NTRK2: variants seen among roughly 807,000 people sequenced by gnomAD.
NTRK2 encodes BDNF/NT-3 growth factors receptor.
Under a neutral mutation model 94.5 loss-of-function variants are expected in NTRK2, and 13 were observed. That is an observed-to-expected ratio of 0.14 (90% confidence interval 0.09 to 0.22). The LOEUF (loss-of-function observed/expected upper bound fraction) is 0.22, where lower values mean the gene tolerates loss of function less well. Ranked by LOEUF, NTRK2 falls within the 10% of genes least tolerant of loss-of-function variation. The pLI, the probability that NTRK2 is intolerant of heterozygous loss-of-function variation, is 1.00. For missense variants in NTRK2, 639 were observed against 1,071.2 expected (o/e 0.60, Z 5.63); for synonymous variants, 372 against 407.4 (o/e 0.91, Z 1.05).
chr9:84,910,265 T>A (rs983004039), intron 14 of NTRK2, among the ~76,000 whole-genome samples: 2 of 152,144 alleles, frequency 1.3e-5, no homozygotes, highest in African/African-American at 4.8e-5. Context: ...ACGTATTCTC[T>A]CATAGCTCTG....
At chr9:84,858,697 A>T (rs2075185797) in intron 12 of NTRK2, among the ~76,000 whole-genome samples, 1 of 152,042 alleles carries the variant, frequency 6.6e-6, no homozygotes, top group Non-Finnish European at 1.5e-5. Flanking sequence ...GAGCTTCTCA[A>T]GTGCCGCTTT....
intron 14 of NTRK2, among the ~76,000 whole-genome samples, chr9:84,903,382 T>C (rs1477475160): frequency 6.6e-6 from 1 of 152,044 alleles, no homozygotes; most frequent in Non-Finnish European, 1.5e-5. Context: ...AGGAAAGGAG[T>C]AGAGAATTAG....
intron 14 of NTRK2, among the ~76,000 whole-genome samples, chr9:84,924,172 A>G (rs528050988): frequency 6.7e-6 from 1 of 150,048 alleles, no homozygotes; most frequent in South Asian, 2.1e-4. Context: ...TGATCATGCC[A>G]CTGCACTGCA....
At chr9:84,699,421 G>T (rs2060584047) in intron 2 of NTRK2, among the ~76,000 whole-genome samples, 1 of 152,072 alleles carries the variant, frequency 6.6e-6, no homozygotes, top group Admixed American at 6.5e-5. Context: ...GGGCATTCTT[G>T]CCCCCACAGT....
rs1832927300 is a variant in NTRK2, at chr9:85,024,341, A to C, written c.*2904A>C. On this transcript the variant is annotated 3_prime_UTR_variant, in exon 19 of 19. Transcript: ENST00000277120. ...TGATCACCAAATACGGCCTTCCATC[A>C]AATTTGTGAAAACTACAACAGTATA... The C allele has an allele frequency of 4.3e-6, 1 of 233,004 alleles. No individual in the cohort carries two copies. 14.4% of individuals were successfully genotyped at this position (233,004 alleles called of 1,614,324 possible).
At chr9:84,941,750 G>C in intron 15 of NTRK2, among the ~76,000 whole-genome samples, 1 of 152,150 alleles carries the variant, frequency 6.6e-6, no homozygotes, top group East Asian at 1.9e-4. Flanking sequence ...ACTCTCTTTT[G>C]ATTCAATATT....
rs79653984 is a variant in NTRK2, at chr9:84,744,305, C to T, written c.1196-668C>T. Among the ~76,000 whole-genome samples the T allele has an allele frequency of 1.2e-4, 18 of 152,248 alleles. No homozygotes were observed. The East Asian group carries it at 3.3e-3, about 28-fold the overall frequency. Reference sequence around the variant, plus strand: ...AAATGAGAACAGAGCGTTAACAATTCTAAGTATTGTGTGGATCTACCTTTT... The same window carrying T: ...AAATGAGAACAGAGCGTTAACAATTTTAAGTATTGTGTGGATCTACCTTTT... On this transcript the variant is annotated intron_variant, in intron 10 of 18. Transcript: ENST00000277120.
At chr9:85,019,722 T>C (rs1212358898) in intron 17 of NTRK2, among the ~76,000 whole-genome samples, 1 of 152,136 alleles carries the variant, frequency 6.6e-6, no homozygotes, top group Non-Finnish European at 1.5e-5. Context: ...CATCGCTGAG[T>C]GATGGTGGAG....
intron 14 of NTRK2, among the ~76,000 whole-genome samples, chr9:84,920,503 T>C (rs545458765): frequency 2.6e-5 from 4 of 152,262 alleles, no homozygotes; most frequent in Admixed American, 2.6e-4. Flanking sequence ...TCTTTCCCAC[T>C]CCTTCCGTCT....
intron 9 of NTRK2, among the ~76,000 whole-genome samples, chr9:84,731,047 G>A (rs776491370): frequency 2.0e-5 from 3 of 152,134 alleles, no homozygotes; most frequent in Admixed American, 6.5e-5. Context: ...AGGCAGCCTG[G>A]GCTCACTGTG....
chr9:84,672,950 C>T (rs568697028), intron 2 of NTRK2, among the ~76,000 whole-genome samples: 4 of 152,274 alleles, frequency 2.6e-5, no homozygotes, highest in East Asian at 1.9e-4. Flanking sequence ...TTCATTCAAT[C>T]GTGGCACTTC....
chr9:85,007,342 G>A (rs1831081700), intron 17 of NTRK2, among the ~76,000 whole-genome samples: 1 of 152,186 alleles, frequency 6.6e-6, no homozygotes, highest in African/African-American at 2.4e-5. Context: ...TCAAAATGTA[G>A]GGGACCCTGC....
intron 14 of NTRK2, chr9:84,875,896 G>A: frequency 9.6e-7 from 1 of 1,038,752 alleles, no homozygotes; most frequent in Non-Finnish European, 1.2e-6. Context: ...TTAAGTTTAA[G>A]AGATTATAAA....
At chr9:84,700,555 T>G (rs1368775448) in intron 2 of NTRK2, among the ~76,000 whole-genome samples, 1 of 152,156 alleles carries the variant, frequency 6.6e-6, no homozygotes, top group Non-Finnish European at 1.5e-5. Context: ...TGTGGATGCT[T>G]TTAAAAGTAT....
chr9:84,984,616 G>T (rs1305500652), intron 17 of NTRK2, among the ~76,000 whole-genome samples: 1 of 152,206 alleles, frequency 6.6e-6, no homozygotes, highest in Non-Finnish European at 1.5e-5. Flanking sequence ...AATATGGCTG[G>T]CCTGGGGACC....
intron 2 of NTRK2, among the ~76,000 whole-genome samples, chr9:84,681,730 T>C (rs1477299324): frequency 1.3e-5 from 2 of 152,218 alleles, no homozygotes; most frequent in African/African-American, 4.8e-5. Context: ...TGGAGCGGTC[T>C]ATCTGAAATG....
intron 4 of NTRK2, among the ~76,000 whole-genome samples, chr9:84,705,021 G>T (rs1659407): frequency 0.53 from 80,766 of 151,676 alleles, 21,627 homozygotes; most frequent in East Asian, 0.64. Context: ...AACGCAGTGG[G>T]GTGCAAGGGA....
chr9:84,846,675 G>A (rs887390331), intron 12 of NTRK2, among the ~76,000 whole-genome samples: 10 of 152,200 alleles, frequency 6.6e-5, no homozygotes, highest in Non-Finnish European at 1.0e-4. Context: ...ATGAATGCCC[G>A]TCTCTCCAGT....
chr9:84,688,111 G>T (rs1271613706), intron 2 of NTRK2, among the ~76,000 whole-genome samples: 2 of 152,188 alleles, frequency 1.3e-5, no homozygotes, highest in Admixed American at 1.3e-4. Flanking sequence ...AGTGGACTCA[G>T]GGTCTTTGAG....
Sources: gnomAD v4.1 joint callset for allele counts (sites outside exome capture counted in the v4.1 genomes callset) on GRCh38, gnomAD v4.1.1 for gene constraint, MANE v1.5 for transcripts, NCBI Gene and HGNC (gene_info 2026-07-23, HGNC 2026-07-21) for gene names.